SPMIP11: variants seen among roughly 807,000 people sequenced by gnomAD.
The protein encoded by SPMIP11 is sperm microtubule inner protein 11, also known as long intergenic non-protein coding RNA 935.
the SPMIP11 span, among the ~76,000 whole-genome samples, chr12:48,754,408 T>C: frequency 6.6e-6 from 1 of 151,624 alleles, no homozygotes; most frequent in African/African-American, 2.4e-5. Flanking sequence ...TGCCTTGGCC[T>C]CCCAAAGTAC....
the SPMIP11 span, among the ~76,000 whole-genome samples, chr12:48,729,906 A>G: frequency 1.3e-5 from 2 of 151,724 alleles, no homozygotes; most frequent in Admixed American, 6.6e-5. Context: ...CCCAACCCCA[A>G]CTGGGTCCCA....
the SPMIP11 span, among the ~76,000 whole-genome samples, chr12:48,762,702 A>G: frequency 6.6e-6 from 1 of 152,050 alleles, no homozygotes; most frequent in Non-Finnish European, 1.5e-5. Context: ...GATTACAGAA[A>G]TGAAGAACAG....
the SPMIP11 span, among the ~76,000 whole-genome samples, chr12:48,763,549 AT>A: frequency 8.8e-4 from 134 of 152,324 alleles, 1 homozygote; most frequent in African/African-American, 3.0e-3. Context: ...TCAATGAATT[AT>A]TAGGGATTTT....
chr12:48,749,357 G>A, the SPMIP11 span, among the ~76,000 whole-genome samples: 2 of 146,660 alleles, frequency 1.4e-5, no homozygotes, highest in East Asian at 2.1e-4. Flanking sequence ...GGCTGGGCGC[G>A]GTGGCTCATG....
the SPMIP11 span, among the ~76,000 whole-genome samples, chr12:48,738,488 A>G: frequency 6.6e-6 from 1 of 151,686 alleles, no homozygotes; most frequent in South Asian, 2.1e-4. Context: ...GGGCCTCTCC[A>G]TAAGCTGTTT....
the SPMIP11 span, among the ~76,000 whole-genome samples, chr12:48,748,854 G>A: frequency 2.0e-5 from 3 of 152,060 alleles, no homozygotes; most frequent in Non-Finnish European, 2.9e-5. Context: ...AATGGCCCAC[G>A]CACCTATTAA....
the SPMIP11 span, chr12:48,764,708 G>A: frequency 1.7e-6 from 1 of 590,862 alleles, no homozygotes. Flanking sequence ...GCAGGGTGTG[G>A]TGACCACACT....
At chr12:48,737,438 G>C in the SPMIP11 span, among the ~76,000 whole-genome samples, 4 of 145,680 alleles carry the variant, frequency 2.7e-5, no homozygotes, top group Admixed American at 6.9e-5. Flanking sequence ...TTTTGAGATG[G>C]AGTCTCACTC....
the SPMIP11 span, among the ~76,000 whole-genome samples, chr12:48,752,263 C>T: frequency 2.0e-5 from 3 of 152,112 alleles, no homozygotes; most frequent in Admixed American, 2.0e-4. Context: ...GTCCGCTACT[C>T]AAGACATACT....
At chr12:48,757,643 C>A in the SPMIP11 span, among the ~76,000 whole-genome samples, 1 of 80,422 alleles carries the variant, frequency 1.2e-5, no homozygotes. Context: ...GAGACTCTAT[C>A]TCAAAAAAAT....
chr12:48,765,577 T>C, the SPMIP11 span: 3 of 702,714 alleles, frequency 4.3e-6, no homozygotes, highest in East Asian at 8.0e-5. Flanking sequence ...CTGGCCTGGC[T>C]GAATCTCTCT....
the SPMIP11 span, chr12:48,768,900 C>T: frequency 6.3e-7 from 1 of 1,585,426 alleles, no homozygotes; most frequent in Non-Finnish European, 8.6e-7. Context: ...CCCTCCGGGC[C>T]CATGTTCCTC....
chr12:48,746,817 G>A, the SPMIP11 span, among the ~76,000 whole-genome samples: 2,148 of 152,070 alleles, frequency 0.014, 36 homozygotes, highest in African/African-American at 0.04. Context: ...GCTACTCGGG[G>A]GGCTGAGGCA....
chr12:48,746,211 C>T, the SPMIP11 span, among the ~76,000 whole-genome samples: 1 of 152,120 alleles, frequency 6.6e-6, no homozygotes, highest in African/African-American at 2.4e-5. Context: ...ACATGCTCAG[C>T]TTGCAGAGTG....
chr12:48,751,417 C>A, the SPMIP11 span, among the ~76,000 whole-genome samples: 1 of 151,566 alleles, frequency 6.6e-6, no homozygotes, highest in Non-Finnish European at 1.5e-5. Flanking sequence ...GGTCTGAGAC[C>A]AGCCTGGGCA....
the SPMIP11 span, among the ~76,000 whole-genome samples, chr12:48,763,482 C>T: frequency 6.6e-6 from 1 of 152,016 alleles, no homozygotes; most frequent in Admixed American, 6.6e-5. Flanking sequence ...AATAGCAAAA[C>T]TTTTTAATAG....
the SPMIP11 span, chr12:48,764,772 C>A: frequency 1.5e-6 from 1 of 662,678 alleles, no homozygotes; most frequent in Admixed American, 2.1e-5. Flanking sequence ...CTGGGCTGGG[C>A]TATTGCTGCC....
chr12:48,738,595 C>T, the SPMIP11 span, among the ~76,000 whole-genome samples: 2 of 150,492 alleles, frequency 1.3e-5, no homozygotes, highest in African/African-American at 2.4e-5. Flanking sequence ...AGTCCAGTGG[C>T]GCGATCTTGG....
At chr12:48,752,382 C>G in the SPMIP11 span, among the ~76,000 whole-genome samples, 3 of 152,150 alleles carry the variant, frequency 2.0e-5, no homozygotes, top group Admixed American at 2.0e-4. Context: ...CTGAAAGAGG[C>G]TGGTCAACTC....
Sources: allele counts gnomAD v4.1 joint callset (sites outside exome capture counted in the v4.1 genomes callset), GRCh38; gene constraint gnomAD v4.1.1; transcripts MANE v1.5; gene names NCBI Gene and HGNC (gene_info 2026-07-23, HGNC 2026-07-21).